Variants in SGCZ observed in about 807,000 individuals in gnomAD.
SGCZ encodes sarcoglycan zeta.
SGCZ carries 40 observed loss-of-function variants against 41.3 expected under a neutral mutation model. That is an observed-to-expected ratio of 0.97 (90% CI 0.75 to 1.26). SGCZ has a LOEUF of 1.26. Among genes scored for constraint, SGCZ ranks in the 50% most tolerant of loss-of-function variants. The pLI, the probability that SGCZ is intolerant of heterozygous loss-of-function variation, is 0.00. For missense variants in SGCZ, 552 were observed against 369.8 expected, an observed-to-expected ratio of 1.49 and a Z score of -4.04; for synonymous variants, 206 against 137.5, an observed-to-expected ratio of 1.50 and a Z score of -3.49.
intron 1 of SGCZ, among the ~76,000 whole-genome samples, chr8:14,972,356 T>C (rs975712025): frequency 2.0e-5 from 3 of 152,036 alleles, no homozygotes; most frequent in Admixed American, 6.6e-5. Flanking sequence ...AGTTGATTGA[T>C]TTTCTTTTTT....
chr8:14,760,825 T>C (rs1419524682), intron 1 of SGCZ, among the ~76,000 whole-genome samples: 1 of 152,218 alleles, frequency 6.6e-6, no homozygotes, highest in African/African-American at 2.4e-5. Context: ...TTGTTGTTCA[T>C]TTGAAATTCT....
intron 1 of SGCZ, among the ~76,000 whole-genome samples, chr8:14,712,817 C>A (rs1423968804): frequency 6.6e-6 from 1 of 151,958 alleles, no homozygotes; most frequent in African/African-American, 2.4e-5. Context: ...ATTTTTTCTT[C>A]TTTTTTAATG....
At chr8:15,219,260 CT>C (rs1563190821) in intron 1 of SGCZ, among the ~76,000 whole-genome samples, 1 of 152,024 alleles carries the variant, frequency 6.6e-6, no homozygotes. Flanking sequence ...TGATACTATA[CT>C]TTCCTTTCTC....
intron 2 of SGCZ, among the ~76,000 whole-genome samples, chr8:14,481,996 A>G (rs148158646): frequency 6.4e-4 from 98 of 152,330 alleles, no homozygotes; most frequent in African/African-American, 2.2e-3. Flanking sequence ...TGACAGCAGA[A>G]CCCAGACAGA....
At chr8:15,202,645 TTAAAA>T (rs72073120) in intron 1 of SGCZ, among the ~76,000 whole-genome samples, 9,074 of 152,168 alleles carry the variant, frequency 0.06, 302 homozygotes, top group African/African-American at 0.078. Flanking sequence ...CAAAAACCTA[TTAAAA>T]TAAAATAATA....
intron 5 of SGCZ, among the ~76,000 whole-genome samples, chr8:14,122,770 C>T (rs1017673269): frequency 6.6e-6 from 1 of 152,110 alleles, no homozygotes; most frequent in African/African-American, 2.4e-5. Flanking sequence ...TTCTTTCTCC[C>T]TTATCCCCAT....
At chr8:14,405,939 G>A (rs996968125) in intron 2 of SGCZ, among the ~76,000 whole-genome samples, 1 of 152,126 alleles carries the variant, frequency 6.6e-6, no homozygotes, top group African/African-American at 2.4e-5. Flanking sequence ...AATATGCAAT[G>A]AGCACCCTAG....
intron 4 of SGCZ, among the ~76,000 whole-genome samples, chr8:14,168,426 C>G (rs1804273155): frequency 6.6e-6 from 1 of 152,030 alleles, no homozygotes; most frequent in African/African-American, 2.4e-5. Context: ...ATGGGAGGGA[C>G]CCAGTGGGAG....
intron 1 of SGCZ, among the ~76,000 whole-genome samples, chr8:15,066,353 C>T (rs1041912934): frequency 4.7e-5 from 7 of 150,474 alleles, no homozygotes; most frequent in Admixed American, 1.3e-4. Flanking sequence ...CCTTACTTTT[C>T]ACTCTTTTGT....
At chr8:14,391,984 C>T (rs9693228) in intron 2 of SGCZ, among the ~76,000 whole-genome samples, 25,414 of 151,832 alleles carry the variant, frequency 0.17, 4,976 homozygotes, top group African/African-American at 0.48. Flanking sequence ...TCATAACCTC[C>T]CAACAAGCCC....
chr8:14,182,605 T>C (rs926507726), intron 4 of SGCZ, among the ~76,000 whole-genome samples: 3 of 151,868 alleles, frequency 2.0e-5, no homozygotes, highest in South Asian at 2.1e-4. Context: ...CTCATAACAA[T>C]GTAGATGGAA....
chr8:14,984,341 T>C (rs1232944383), intron 1 of SGCZ, among the ~76,000 whole-genome samples: 1 of 152,158 alleles, frequency 6.6e-6, no homozygotes, highest in African/African-American at 2.4e-5. Flanking sequence ...CTGTAGCATA[T>C]CAACAAATCA....
In SGCZ at chr8:15,188,462, G is replaced by T. The variant is rs1419749328; in HGVS notation, c.39+49123C>A. ...TAGTGTAAGAAATCAGTTTCACTGG[G>T]GACAATTTTTGTCTTTGTCTTTCCA... is the stretch of plus-strand genomic sequence containing the variant. On this transcript the variant is annotated intron_variant, in intron 1 of 7. Coordinates refer to ENST00000382080, the MANE Select transcript of SGCZ (RefSeq NM_139167.4). Among the ~76,000 whole-genome samples, 6 of 152,130 alleles carry T rather than the reference G, an allele frequency of 3.9e-5. No homozygotes were observed. The East Asian group carries it at 1.2e-3, about 29-fold the overall frequency.
chr8:14,932,398 C>T (rs910281688), intron 1 of SGCZ, among the ~76,000 whole-genome samples: 5 of 152,102 alleles, frequency 3.3e-5, no homozygotes, highest in Admixed American at 6.5e-5. Context: ...CAAAATGTCT[C>T]TTTCATCATG....
chr8:14,675,205 G>C (rs1426764523), intron 1 of SGCZ, among the ~76,000 whole-genome samples: 1 of 151,758 alleles, frequency 6.6e-6, no homozygotes, highest in Non-Finnish European at 1.5e-5. Flanking sequence ...CTCCCAAAGT[G>C]CTGGGATTAC....
chr8:14,626,485 G>A (rs1585135628), intron 1 of SGCZ, among the ~76,000 whole-genome samples: 1 of 152,228 alleles, frequency 6.6e-6, no homozygotes, highest in East Asian at 1.9e-4. Context: ...ATCTGGTGAA[G>A]TTCTAAACCC....
chr8:14,659,655 T>C lies in SGCZ; in HGVS notation c.40-104729A>G, dbSNP rs116557237. On this transcript the variant is annotated intron_variant, in intron 1 of 7. Coordinates refer to ENST00000382080, the MANE Select transcript of SGCZ (RefSeq NM_139167.4). Reference sequence around the variant, plus strand: ...AACGGTGGTCTTGGAAACCCCCTTTTATCTATGGCTTTTGGTGAAATCAAC... The same window carrying C: ...AACGGTGGTCTTGGAAACCCCCTTTCATCTATGGCTTTTGGTGAAATCAAC... Among the ~76,000 whole-genome samples, 926 of 152,258 alleles carry C rather than the reference T, an allele frequency of 6.1e-3. 9 individuals carry two copies. The highest frequency in any genetic ancestry group is 0.02 in the African/African-American group (814 of 41,560).
At chr8:15,009,556 G>A (rs954485240) in intron 1 of SGCZ, among the ~76,000 whole-genome samples, 1 of 152,166 alleles carries the variant, frequency 6.6e-6, no homozygotes, top group African/African-American at 2.4e-5. Flanking sequence ...TAGATTGAAG[G>A]TGATGCAATG....
At chr8:15,096,778 A>T (rs1806362364) in intron 1 of SGCZ, among the ~76,000 whole-genome samples, 1 of 151,976 alleles carries the variant, frequency 6.6e-6, no homozygotes, top group Non-Finnish European at 1.5e-5. Context: ...CTCCACCTCC[A>T]GAGTTCAAGG....
Sources: allele counts gnomAD v4.1 joint callset (sites outside exome capture counted in the v4.1 genomes callset), GRCh38; gene constraint gnomAD v4.1.1; transcripts MANE v1.5; gene names NCBI Gene and HGNC (gene_info 2026-07-23, HGNC 2026-07-21).